Variants in CNTN4 observed in about 807,000 individuals in gnomAD.
CNTN4 encodes contactin-4.
In CNTN4, 77 loss-of-function variants were observed where a neutral mutation model predicts 122.5. The ratio of observed to expected loss-of-function variants is 0.63; its 90% CI spans 0.52 to 0.76. The LOEUF (loss-of-function observed/expected upper bound fraction) is 0.76, where lower values mean the gene tolerates loss of function less well. CNTN4 is among the 30% of genes least tolerant of loss of function. The pLI is 0.00. For synonymous variants in CNTN4, 512 were observed against 447.0 expected (o/e 1.15, Z -1.83); for missense variants, 1,256 against 1,259.1 (o/e 1.00, Z 0.04).
intron 2 of CNTN4, among the ~76,000 whole-genome samples, chr3:2,247,674 G>A (rs983551353): frequency 6.6e-6 from 1 of 152,068 alleles, no homozygotes; most frequent in South Asian, 2.1e-4. Context: ...ATGATTATAA[G>A]TTGACTTATA....
At chr3:2,125,300 CT>C (rs2034069466) in intron 2 of CNTN4, among the ~76,000 whole-genome samples, 1 of 149,318 alleles carries the variant, frequency 6.7e-6, no homozygotes, top group African/African-American at 2.5e-5. Flanking sequence ...GGATTTCCTT[CT>C]TTTTCAAGGC....
intron 13 of CNTN4, among the ~76,000 whole-genome samples, chr3:2,973,763 G>A (rs2125122198): frequency 6.6e-6 from 1 of 151,394 alleles, no homozygotes; most frequent in Middle Eastern, 3.4e-3. Flanking sequence ...GAGTAAATGG[G>A]GTGATGATAT....
intron 4 of CNTN4, among the ~76,000 whole-genome samples, chr3:2,604,041 C>T (rs2149769643): frequency 6.6e-6 from 1 of 152,234 alleles, no homozygotes; most frequent in Non-Finnish European, 1.5e-5. Flanking sequence ...GGAAATGTGG[C>T]AAATCATACA....
chr3:2,972,508 T>G lies in CNTN4; in HGVS notation c.1359-15837T>G, dbSNP rs150398516. On this transcript the variant is annotated intron_variant, in intron 13 of 24. Coordinates refer to ENST00000418658, the MANE Select transcript of CNTN4 (RefSeq NM_175607.3). ...TAACCAATCTCATTTTTAAACTGAT[T>G]ATAGGGATCCAATTTGAATAATTTG... 4.4e-3 allele frequency among the ~76,000 whole-genome samples: 675 copies of G among 152,302 alleles called. 7 individuals are homozygous for G. Among genetic ancestry groups the G allele is most frequent in the African/African-American group, 0.015 (641 of 41,572 alleles).
intron 3 of CNTN4, among the ~76,000 whole-genome samples, chr3:2,381,106 C>G (rs758289847): frequency 1.4e-4 from 21 of 151,716 alleles, no homozygotes; most frequent in African/African-American, 4.4e-4. Flanking sequence ...TCTGGGTTCC[C>G]GCCATTCTCC....
intron 2 of CNTN4, among the ~76,000 whole-genome samples, chr3:2,145,273 C>T (rs946626736): frequency 6.6e-6 from 1 of 152,058 alleles, no homozygotes; most frequent in Non-Finnish European, 1.5e-5. Context: ...TTAAATGATT[C>T]TTTATAAAGC....
At chr3:2,157,113 C>G (rs1574959647) in intron 2 of CNTN4, among the ~76,000 whole-genome samples, 1 of 152,070 alleles carries the variant, frequency 6.6e-6, no homozygotes, top group South Asian at 2.1e-4. Flanking sequence ...AAGAGAAGTT[C>G]TGGTTCCTGT....
intron 3 of CNTN4, among the ~76,000 whole-genome samples, chr3:2,432,440 T>C (rs1157603129): frequency 6.6e-6 from 1 of 152,176 alleles, no homozygotes; most frequent in African/African-American, 2.4e-5. Flanking sequence ...AGATAGAGAA[T>C]AAAGAAGAGG....
intron 2 of CNTN4, among the ~76,000 whole-genome samples, chr3:2,260,535 G>A (rs1355644675): frequency 6.6e-6 from 1 of 152,092 alleles, no homozygotes; most frequent in East Asian, 1.9e-4. Flanking sequence ...GGAAAACAGG[G>A]TATAGACATT....
chr3:2,255,501 C>T (rs746566044), intron 2 of CNTN4, among the ~76,000 whole-genome samples: 4 of 152,100 alleles, frequency 2.6e-5, no homozygotes, highest in Admixed American at 6.6e-5. Context: ...AGCACCACAT[C>T]GCACTTAATT....
chr3:2,326,158 G>T (rs772852048), intron 2 of CNTN4, among the ~76,000 whole-genome samples: 1 of 152,174 alleles, frequency 6.6e-6, no homozygotes, highest in South Asian at 2.1e-4. Context: ...TGGGCCTTAT[G>T]CAATCAGCTG....
At chr3:2,399,767 C>G (rs7620157) in intron 3 of CNTN4, among the ~76,000 whole-genome samples, 1 of 151,922 alleles carries the variant, frequency 6.6e-6, no homozygotes, top group Non-Finnish European at 1.5e-5. Context: ...TGGATTTGGT[C>G]TGTTATATGG....
At chr3:3,030,666 T>A (rs1699087433) in intron 15 of CNTN4, among the ~76,000 whole-genome samples, 189 bp from the exon 16 acceptor site, 1 of 152,228 alleles carries the variant, frequency 6.6e-6, no homozygotes. Flanking sequence ...GTCGAAGATG[T>A]GTTCTGAAAA....
intron 13 of CNTN4, among the ~76,000 whole-genome samples, chr3:2,956,256 G>GT (rs2094798435): frequency 6.6e-6 from 1 of 152,150 alleles, no homozygotes; most frequent in Non-Finnish European, 1.5e-5. Flanking sequence ...GAGACAGAAA[G>GT]TAGGATAATG....
At chr3:2,204,560 A>G (rs1158400496) in intron 2 of CNTN4, among the ~76,000 whole-genome samples, 2 of 152,204 alleles carry the variant, frequency 1.3e-5, no homozygotes, top group Non-Finnish European at 2.9e-5. Context: ...CAAAACTCAT[A>G]AACACAACCT....
chr3:2,135,304 G>A (rs2034636854), intron 2 of CNTN4, among the ~76,000 whole-genome samples: 1 of 152,098 alleles, frequency 6.6e-6, no homozygotes, highest in African/African-American at 2.4e-5. Flanking sequence ...AAAGAGGGAT[G>A]TTCATCAGGT....
At chr3:2,596,606 G>C (rs946146291) in intron 4 of CNTN4, among the ~76,000 whole-genome samples, 1 of 151,426 alleles carries the variant, frequency 6.6e-6, no homozygotes, top group Admixed American at 6.6e-5. Flanking sequence ...CATTTAATCT[G>C]CACACCATCC....
At chr3:2,144,999 T>A (rs1344394102) in intron 2 of CNTN4, among the ~76,000 whole-genome samples, 2 of 152,208 alleles carry the variant, frequency 1.3e-5, no homozygotes, top group Admixed American at 6.5e-5. Context: ...AAAGCACTGC[T>A]GATGAAAACA....
chr3:2,854,189 G>A (rs969792885), intron 7 of CNTN4, among the ~76,000 whole-genome samples: 4 of 151,672 alleles, frequency 2.6e-5, no homozygotes, highest in African/African-American at 9.7e-5. Context: ...TTTCACAGGA[G>A]CATTAGCAAG....
Sources: allele counts gnomAD v4.1 joint callset (sites outside exome capture counted in the v4.1 genomes callset), GRCh38; gene constraint gnomAD v4.1.1; transcripts MANE v1.5; gene names NCBI Gene and HGNC (gene_info 2026-07-23, HGNC 2026-07-21).